The following PPP1R9A variants were observed in gnomAD, a reference collection of about 807,000 sequenced individuals.
PPP1R9A encodes neurabin-1.
Under a neutral mutation model 141.9 loss-of-function variants are expected in PPP1R9A, and 59 were observed. The observed-to-expected ratio is 0.42, with a 90% CI of 0.34 to 0.52. The LOEUF (loss-of-function observed/expected upper bound fraction) is 0.52, where lower values mean the gene tolerates loss of function less well. Ranked by LOEUF, PPP1R9A falls within the 20% of genes least tolerant of loss-of-function variation. The pLI is 0.10. For synonymous variants in PPP1R9A, 500 were observed against 569.7 expected (o/e 0.88, Z 1.74); for missense variants, 1,444 against 1,611.9 (o/e 0.90, Z 1.78).
chr7:95,143,922 T>C (rs905376350), intron 4 of PPP1R9A, among the ~76,000 whole-genome samples: 3 of 152,030 alleles, frequency 2.0e-5, no homozygotes, highest in African/African-American at 4.8e-5. Context: ...TGCATATACA[T>C]TGTGAAATGA....
intron 2 of PPP1R9A, among the ~76,000 whole-genome samples, chr7:95,064,635 C>T (rs1013874184): frequency 6.6e-6 from 1 of 152,204 alleles, no homozygotes; most frequent in Non-Finnish European, 1.5e-5. Flanking sequence ...TCACTCTGAC[C>T]TGTCAGCAAA....
At chr7:95,252,467 A>ATTTTTTT (rs71127405) in intron 12 of PPP1R9A, among the ~76,000 whole-genome samples, 2 of 107,056 alleles carry the variant, frequency 1.9e-5, no homozygotes, top group African/African-American at 7.1e-5. Context: ...TAAGGTTTAG[A>ATTTTTTT]TTTTTTTTTT....
At chr7:95,070,170 T>G (rs981246656) in intron 2 of PPP1R9A, among the ~76,000 whole-genome samples, 6 of 152,168 alleles carry the variant, frequency 3.9e-5, no homozygotes, top group Non-Finnish European at 7.4e-5. Context: ...TTAACCTTGA[T>G]GTAACATTCC....
intron 2 of PPP1R9A, among the ~76,000 whole-genome samples, chr7:95,016,138 CAG>C (rs1394394754): frequency 6.6e-6 from 1 of 151,782 alleles, no homozygotes; most frequent in Non-Finnish European, 1.5e-5. Context: ...AGTCTTAAAA[CAG>C]AGAAAAATTA....
Position 95,290,315 on chromosome 7 carries a change from T to A in PPP1R9A, c.*12T>A. 2 of 1,600,730 alleles carry A rather than the reference T, an allele frequency of 1.2e-6. No homozygotes were observed. Among genetic ancestry groups the A allele is most frequent in the Non-Finnish European group, 1.7e-6 (2 of 1,173,418 alleles). ...CTGGTGAGCAGTAACACATACCCTC[T>A]TACAGATGATGGAGATGCTCCAAGA... is the stretch of plus-strand genomic sequence containing the variant. On this transcript the variant is annotated 3_prime_UTR_variant, in exon 20 of 20. Coordinates refer to ENST00000433360, the MANE Select transcript of PPP1R9A (RefSeq NM_001166160.2).
At chr7:95,018,293 C>T (rs1805402634) in intron 2 of PPP1R9A, 1 of 230,894 alleles carries the variant, frequency 4.3e-6, no homozygotes, top group Non-Finnish European at 9.9e-6. Context: ...ATGAGCAGCA[C>T]ATTTCTTGCC....
At chr7:95,091,959 G>A (rs1006849640) in intron 2 of PPP1R9A, among the ~76,000 whole-genome samples, 5 of 151,880 alleles carry the variant, frequency 3.3e-5, no homozygotes, top group African/African-American at 9.7e-5. Context: ...TCATCTGTGA[G>A]CCTGAAGTTG....
intron 14 of PPP1R9A, among the ~76,000 whole-genome samples, chr7:95,272,606 C>T (rs1344473323): frequency 6.6e-6 from 1 of 152,156 alleles, no homozygotes; most frequent in Non-Finnish European, 1.5e-5. Flanking sequence ...ATGAAAAGCT[C>T]ATTGCTAAAA....
intron 2 of PPP1R9A, among the ~76,000 whole-genome samples, chr7:94,922,072 TA>T (rs1237877525): frequency 7.3e-5 from 11 of 149,872 alleles, no homozygotes; most frequent in East Asian, 5.8e-4. Context: ...GATAGATTCC[TA>T]AAAAAATATA....
At chr7:95,005,872 C>T (rs1166641556) in intron 2 of PPP1R9A, among the ~76,000 whole-genome samples, 1 of 151,854 alleles carries the variant, frequency 6.6e-6, no homozygotes, top group Non-Finnish European at 1.5e-5. Context: ...TAGCCTTTCC[C>T]TTGTTACCAG....
intron 2 of PPP1R9A, among the ~76,000 whole-genome samples, chr7:95,015,108 A>C (rs968674035): frequency 6.6e-6 from 1 of 151,986 alleles, no homozygotes; most frequent in Non-Finnish European, 1.5e-5. Flanking sequence ...ATTTGAATAT[A>C]ATTTTTAGAA....
At chr7:95,068,963 AAT>A (rs1813371452) in intron 2 of PPP1R9A, among the ~76,000 whole-genome samples, 1 of 152,190 alleles carries the variant, frequency 6.6e-6, no homozygotes, top group South Asian at 2.1e-4. Context: ...TTACTACCCA[AAT>A]CAGTCTCCTA....
At position 95,235,069 on chromosome 7, in the gene PPP1R9A, G is replaced by A. The variant is rs182565668; in HGVS notation, c.2112+8953G>A. 1.6e-3 allele frequency among the ~76,000 whole-genome samples: 238 copies of A among 152,148 alleles called. 1 individual carries two copies. The Middle Eastern group carries it at 0.02, about 13-fold the overall frequency. On this transcript the variant is annotated intron_variant, in intron 8 of 19. Transcript: ENST00000433360. Reference sequence around the variant, plus strand: ...ATCTGAAACCATAAAAATTCTAGACGATAACATCAGAAAAACTCTTCTAGA... The same window carrying A: ...ATCTGAAACCATAAAAATTCTAGACAATAACATCAGAAAAACTCTTCTAGA...
At chr7:94,987,176 C>T (rs995410292) in intron 2 of PPP1R9A, among the ~76,000 whole-genome samples, 5 of 152,174 alleles carry the variant, frequency 3.3e-5, no homozygotes, top group African/African-American at 7.2e-5. Flanking sequence ...GAATATTTGT[C>T]GTTTTCAAAC....
intron 2 of PPP1R9A, among the ~76,000 whole-genome samples, chr7:95,013,657 G>A (rs764373504): frequency 1.2e-4 from 18 of 151,868 alleles, no homozygotes; most frequent in East Asian, 1.9e-4. Flanking sequence ...TACTTTTTTC[G>A]TTCATTTGGA....
intron 2 of PPP1R9A, among the ~76,000 whole-genome samples, chr7:95,025,059 A>T (rs1806612529): frequency 6.6e-6 from 1 of 151,368 alleles, no homozygotes; most frequent in Non-Finnish European, 1.5e-5. Flanking sequence ...TGGGTATGAA[A>T]TTCTGGGTTG....
rs771470836 is a variant in PPP1R9A, at chr7:95,284,217, G to C, written c.3496G>C (p.Val1166Leu). Residue 1166 changes from valine to leucine, a missense_variant, in exon 17 of 20, where the codon GTA becomes CTA. Transcript: ENST00000433360. ...TLISDKKGSK[V>L]ENTWITKANK... ...AATTTCAGATAAAAAGGGGTCCAAGGTAGAAAACACATGGATTACAAAAGC... is the reference window on the plus strand; with the variant it reads ...AATTTCAGATAAAAAGGGGTCCAAGCTAGAAAACACATGGATTACAAAAGC... 2.5e-6 allele frequency: 4 copies of C among 1,569,554 alleles called. No homozygotes were observed. Among genetic ancestry groups the C allele is most frequent in the Non-Finnish European group, 3.5e-6 (4 of 1,152,642 alleles).
intron 2 of PPP1R9A, among the ~76,000 whole-genome samples, chr7:95,081,113 C>G (rs908208158): frequency 1.3e-4 from 20 of 152,156 alleles, no homozygotes; most frequent in African/African-American, 4.8e-4. Context: ...AAATCAAGAC[C>G]TGAATGGATC....
intron 8 of PPP1R9A, among the ~76,000 whole-genome samples, chr7:95,230,220 C>T (rs1795729042): frequency 6.6e-6 from 1 of 152,056 alleles, no homozygotes; most frequent in Admixed American, 6.6e-5. Context: ...GAGAAGGAAT[C>T]AGAAAAACAA....
Sources: gnomAD v4.1 joint callset for allele counts (sites outside exome capture counted in the v4.1 genomes callset) on GRCh38, gnomAD v4.1.1 for gene constraint, MANE v1.5 for transcripts, NCBI Gene and HGNC (gene_info 2026-07-23, HGNC 2026-07-21) for gene names.